The following CARMIL1 variants were observed in gnomAD, a reference collection of about 807,000 sequenced individuals.
The protein encoded by CARMIL1 is F-actin-uncapping protein LRRC16A.
Under a neutral mutation model 177.1 loss-of-function variants are expected in CARMIL1, and 90 were observed. The observed-to-expected ratio is 0.51, with a 90% confidence interval of 0.43 to 0.61. CARMIL1 has a LOEUF of 0.61. CARMIL1 is among the 20% of genes least tolerant of loss of function. The pLI is 0.00. For missense variants in CARMIL1, 1,380 were observed against 1,667.0 expected (o/e 0.83, Z 3.00); for synonymous variants, 577 against 606.2 (o/e 0.95, Z 0.71).
intron 24 of CARMIL1, among the ~76,000 whole-genome samples, chr6:25,534,382 A>C (rs938269844): frequency 6.6e-6 from 1 of 152,002 alleles, no homozygotes; most frequent in African/African-American, 2.4e-5. Flanking sequence ...CTGATCTCCC[A>C]CTGTAAGGTG....
At chr6:25,448,338 C>T (rs986523133) in intron 5 of CARMIL1, among the ~76,000 whole-genome samples, 1 of 152,166 alleles carries the variant, frequency 6.6e-6, no homozygotes, top group African/African-American at 2.4e-5. Context: ...CCAGATTCTT[C>T]TGTTACTCCT....
intron 27 of CARMIL1, 47 bp from the exon 28 acceptor site, chr6:25,553,962 T>G (rs746103946): frequency 7.9e-7 from 1 of 1,261,306 alleles, no homozygotes; most frequent in South Asian, 1.3e-5. Context: ...CATTTTCCCC[T>G]CTTGCACAAA....
rs138632667 is a variant in CARMIL1 at position 25,357,592 on chromosome 6, A to G, written c.139-62522A>G. On this transcript the variant is annotated intron_variant, in intron 2 of 36. Coordinates refer to ENST00000329474, the MANE Select transcript of CARMIL1 (RefSeq NM_017640.6). ...GAGTGAAATTTTGTGTCAAAAAGAA[A>G]ACAAAAATAAAAAAACACATTTTTT... is the stretch of plus-strand genomic sequence containing the variant. Among the ~76,000 whole-genome samples, 947 of 152,278 alleles carry G rather than the reference A, an allele frequency of 6.2e-3. 7 individuals carry two copies. Among genetic ancestry groups the G allele is most frequent in the Non-Finnish European group, 9.7e-3 (661 of 68,026 alleles).
chr6:25,607,978 A>G, intron 35 of CARMIL1, among the ~76,000 whole-genome samples: 1 of 152,228 alleles, frequency 6.6e-6, no homozygotes, highest in Non-Finnish European at 1.5e-5. Flanking sequence ...CTTGGTCCAT[A>G]CACAATGTTT....
chr6:25,515,955 C>T lies in CARMIL1; in HGVS notation c.1805+108C>T. On this transcript the variant is annotated intron_variant, in intron 21 of 36. Coordinates refer to ENST00000329474, the MANE Select transcript of CARMIL1 (RefSeq NM_017640.6). The surrounding 1 kb of genome is among the most constrained non-coding windows in gnomAD (Gnocchi z 5.0). ...GAGGGGACCTGGGCTTCCCATGAGG[C>T]CATCTTGAGGAGAAGAGGTGACAAT... The T allele has an allele frequency of 1.8e-6, 2 of 1,096,740 alleles. No homozygotes were observed. The highest frequency in any genetic ancestry group is 2.8e-5 in the Admixed American group (1 of 36,242). 67.9% of individuals were successfully genotyped at this position (1,096,740 alleles called of 1,614,324 possible). A position where few individuals can be genotyped will look rare whatever the true frequency, so the allele number is the denominator to read the frequency against.
At position 25,515,801 on chromosome 6, in the gene CARMIL1, G is replaced by A; in HGVS notation, c.1759G>A (p.Gly587Arg). 1 of 1,611,434 alleles carries A rather than the reference G, an allele frequency of 6.2e-7. No individual in the cohort carries two copies. The highest frequency in any genetic ancestry group is 8.5e-7 in the Non-Finnish European group (1 of 1,178,952). The change falls in exon 21 of 37, where the codon GGA becomes AGA. Residue 587 changes from glycine to arginine, a missense_variant. Physicochemically the swap from Gly to Arg is moderately radical, Grantham distance 125. Transcript: ENST00000329474. This position sits in a 1 kb window ranked among gnomAD's most constrained non-coding sequence, Gnocchi z 5.0. ...DISGNGMGDM[G>R]AKMLAKALQI... Reference sequence around the variant, plus strand: ...TAGCGGCAACGGAATGGGGGACATGGGAGCGAAGATGCTGGCCAAAGCACT... The same window carrying A: ...TAGCGGCAACGGAATGGGGGACATGAGAGCGAAGATGCTGGCCAAAGCACT...
intron 36 of CARMIL1, among the ~76,000 whole-genome samples, chr6:25,613,573 T>C (rs1816665729): frequency 6.6e-6 from 1 of 152,198 alleles, no homozygotes; most frequent in Admixed American, 6.5e-5. Context: ...AGATTTCAAA[T>C]CAGCTCTGCC....
chr6:25,347,971 T>A (rs9986604), intron 2 of CARMIL1, among the ~76,000 whole-genome samples: 8,920 of 152,230 alleles, frequency 0.059, 585 homozygotes, highest in African/African-American at 0.15. Context: ...GTACAGTAAG[T>A]CCTCACTTAA....
intron 2 of CARMIL1, among the ~76,000 whole-genome samples, chr6:25,336,436 G>A (rs1026918938): frequency 3.9e-5 from 6 of 152,214 alleles, no homozygotes; most frequent in Non-Finnish European, 8.8e-5. Context: ...GTATGGTAGC[G>A]AAGAGTGTGG....
At chr6:25,297,418 A>G (rs1782496327) in intron 2 of CARMIL1, among the ~76,000 whole-genome samples, 1 of 152,210 alleles carries the variant, frequency 6.6e-6, no homozygotes, top group East Asian at 1.9e-4. Context: ...CTTTCTAGAA[A>G]AAAACTTTTG....
chr6:25,392,488 G>C (rs1278061894), intron 2 of CARMIL1, among the ~76,000 whole-genome samples: 1 of 152,096 alleles, frequency 6.6e-6, no homozygotes, highest in Admixed American at 6.5e-5. Flanking sequence ...TCATTCTTAT[G>C]TCTTTTCTCC....
At chr6:25,391,580 C>T (rs1792824791) in intron 2 of CARMIL1, among the ~76,000 whole-genome samples, 1 of 152,172 alleles carries the variant, frequency 6.6e-6, no homozygotes. Context: ...GCAGTAGTTA[C>T]TGTTCAATGT....
chr6:25,303,379 T>C lies in CARMIL1; in HGVS notation c.138+18470T>C, dbSNP rs545773493. On this transcript the variant is annotated intron_variant, in intron 2 of 36. Coordinates refer to ENST00000329474, the MANE Select transcript of CARMIL1 (RefSeq NM_017640.6). ...TTTAGCATACAGATCAGAAGCCTTG[T>C]GTGGCTCTAAGCCTATTTCCTCAAT... Among the ~76,000 whole-genome samples the C allele has an allele frequency of 3.3e-5, 5 of 152,332 alleles. No individual in the cohort carries two copies. The South Asian group carries it at 1.0e-3, about 32-fold the overall frequency.
At chr6:25,473,475 A>C (rs1007495193) in intron 11 of CARMIL1, among the ~76,000 whole-genome samples, 2 of 152,238 alleles carry the variant, frequency 1.3e-5, no homozygotes, top group African/African-American at 4.8e-5. Context: ...AAGCTAAATA[A>C]AATTTTATTA....
chr6:25,315,613 A>C lies in CARMIL1; in HGVS notation c.138+30704A>C, dbSNP rs1784216713. ...TGTTTCCTTCCAGGCAGATTAGTTA[A>C]TTCCACCTCAGGTAATCTCTTATTC... On this transcript the variant is annotated intron_variant, in intron 2 of 36. Transcript: ENST00000329474. 2.0e-5 allele frequency among the ~76,000 whole-genome samples: 3 copies of C among 152,306 alleles called. No individual in the cohort carries two copies. The South Asian group carries it at 6.2e-4, about 32-fold the overall frequency.
intron 2 of CARMIL1, among the ~76,000 whole-genome samples, chr6:25,376,495 G>A (rs1168525229): frequency 1.3e-5 from 2 of 152,056 alleles, no homozygotes; most frequent in South Asian, 2.1e-4. Flanking sequence ...TGACTTTATC[G>A]TTTATTGTAG....
At position 25,373,590 on chromosome 6, in the gene CARMIL1, T is replaced by TC. The variant is rs1491488337; in HGVS notation, c.139-46524_139-46523insC. On this transcript the variant is annotated intron_variant, in intron 2 of 36. Coordinates refer to ENST00000329474, the MANE Select transcript of CARMIL1 (RefSeq NM_017640.6). The stretch of plus-strand genomic sequence containing the variant: ...CTCAATTTTCATCTCTCTCTCTCTC[T>TC]TTTTTTTTTTTTTGACAGAGTCTCG... Among the ~76,000 whole-genome samples, 81 of 109,752 alleles carry TC rather than the reference T, an allele frequency of 7.4e-4. No individual in the cohort carries two copies. In the Middle Eastern group the frequency reaches 0.027, roughly 37 times the overall value. 72.0% of individuals were successfully genotyped at this position (109,752 alleles called of 152,430 possible). A position where few individuals can be genotyped will look rare whatever the true frequency, so the allele number is the denominator to read the frequency against.
intron 31 of CARMIL1, among the ~76,000 whole-genome samples, chr6:25,582,423 G>GTTGT (rs891731254): frequency 1.3e-5 from 2 of 152,106 alleles, no homozygotes; most frequent in African/African-American, 4.8e-5. Context: ...TTTAGTCTCT[G>GTTGT]TTGTTGACTG....
In CARMIL1 at chr6:25,577,710, T is replaced by C. The variant is rs1812729294; in HGVS notation, c.2743-3214T>C. Among the ~76,000 whole-genome samples, 1 of 152,170 alleles carries C rather than the reference T, an allele frequency of 6.6e-6. No individual in the cohort carries two copies. The highest frequency in any genetic ancestry group is 6.5e-5 in the Admixed American group (1 of 15,270). Reference sequence around the variant, plus strand: ...GGTTCCAAGATTAGTCTTTAACTTGTAGTAAAAGTAGACATATCTCAATTG... The same window carrying C: ...GGTTCCAAGATTAGTCTTTAACTTGCAGTAAAAGTAGACATATCTCAATTG... On this transcript the variant is annotated intron_variant, in intron 29 of 36. Transcript: ENST00000329474. This position sits in a 1 kb window ranked among gnomAD's most constrained non-coding sequence, Gnocchi z 4.5.
Sources: gnomAD v4.1 joint callset for allele counts (sites outside exome capture counted in the v4.1 genomes callset) on GRCh38, gnomAD v4.1.1 for gene constraint, Gnocchi (gnomAD v3.1) non-coding constraint, MANE v1.5 for transcripts, NCBI Gene and HGNC (gene_info 2026-07-23, HGNC 2026-07-21) for gene names.